Variants in TCF4 observed in about 807,000 individuals in gnomAD.
TCF4 encodes the protein SL3-3 enhancer factor 2.
A neutral mutation model predicts 82.1 loss-of-function variants in TCF4; 3 were observed. The observed-to-expected ratio is 0.04, with a 90% CI of 0.02 to 0.09. The LOEUF is 0.09. TCF4 is among the 10% of genes least tolerant of loss of function. The probability of loss-of-function intolerance (pLI) is 1.00; values close to 1 mark genes in which losing one functional copy is unlikely to be tolerated. For missense variants in TCF4, 518 were observed against 852.7 expected, an observed-to-expected ratio of 0.61 and a Z score of 4.89; for synonymous variants, 276 against 309.6, an observed-to-expected ratio of 0.89 and a Z score of 1.14.
intron 8 of TCF4, among the ~76,000 whole-genome samples, chr18:55,283,613 G>A (rs2063069872): frequency 6.6e-6 from 1 of 152,162 alleles, no homozygotes; most frequent in Admixed American, 6.5e-5. Flanking sequence ...ATCATAAGAA[G>A]GTCAAGTGTA....
intron 3 of TCF4, among the ~76,000 whole-genome samples, chr18:55,511,298 T>G (rs2096825224): frequency 1.5e-5 from 2 of 136,948 alleles, no homozygotes; most frequent in African/African-American, 5.6e-5. Flanking sequence ...GATTTGCAAC[T>G]TAGATGTAGG....
chr18:55,385,592 G>A lies in TCF4; in HGVS notation c.369+17862C>T, dbSNP rs187133133. On this transcript the variant is annotated intron_variant, in intron 6 of 19. Coordinates refer to ENST00000354452, the MANE Select transcript of TCF4 (RefSeq NM_001083962.2). ...AATTTTGTATTTTTAGTAGAGATGG[G>A]GTTTCACTATGCTGGCCAGGCCGGT... 2.6e-5 allele frequency among the ~76,000 whole-genome samples: 4 copies of A among 152,214 alleles called. No homozygotes were observed. The East Asian group carries it at 7.7e-4, about 29-fold the overall frequency.
At chr18:55,618,054 C>T (rs561123369) in intron 2 of TCF4, among the ~76,000 whole-genome samples, 17 of 152,182 alleles carry the variant, frequency 1.1e-4, no homozygotes, top group Middle Eastern at 3.4e-3. Flanking sequence ...TTCAGTTATT[C>T]GCCATTGAGT....
chr18:55,540,857 GCTGA>G (rs1186857501), intron 3 of TCF4, among the ~76,000 whole-genome samples: 1 of 151,850 alleles, frequency 6.6e-6, no homozygotes, highest in Non-Finnish European at 1.5e-5. Flanking sequence ...AAATTCAATC[GCTGA>G]CTATTACTTT....
intron 3 of TCF4, among the ~76,000 whole-genome samples, chr18:55,529,783 A>G (rs1325256107): frequency 6.6e-6 from 1 of 152,134 alleles, no homozygotes; most frequent in Non-Finnish European, 1.5e-5. Context: ...GGGAGAAAGG[A>G]GCCTGTCACT....
chr18:55,390,286 T>TAAAAAAAAAAAAAAA (rs56965997), intron 6 of TCF4, among the ~76,000 whole-genome samples: 2 of 82,230 alleles, frequency 2.4e-5, no homozygotes, highest in African/African-American at 5.1e-5. Context: ...CCCTGACTCT[T>TAAAAAAAAAAAAAAA]AAAAAAAAAA....
At chr18:55,608,643 T>C (rs1462461930) in intron 2 of TCF4, among the ~76,000 whole-genome samples, 1 of 152,144 alleles carries the variant, frequency 6.6e-6, no homozygotes, top group African/African-American at 2.4e-5. Context: ...CTATGGGCCG[T>C]GGGAATAATG....
intron 5 of TCF4, among the ~76,000 whole-genome samples, chr18:55,460,680 T>G (rs1568105987): frequency 6.6e-5 from 10 of 152,224 alleles, no homozygotes; most frequent in Admixed American, 6.5e-4. Flanking sequence ...ATTTTTATTC[T>G]AAATATTCAC....
At chr18:55,480,296 A>AAAAAAAGG (rs1568175293) in intron 3 of TCF4, among the ~76,000 whole-genome samples, 1 of 63,356 alleles carries the variant, frequency 1.6e-5, no homozygotes. Context: ...AAAAAAAAAA[A>AAAAAAAGG]GCGGGGGGGC....
At chr18:55,578,474 A>G (rs547847541) in intron 3 of TCF4, among the ~76,000 whole-genome samples, 6 of 152,114 alleles carry the variant, frequency 3.9e-5, no homozygotes, top group Non-Finnish European at 8.8e-5. Context: ...AAAGTCTCTT[A>G]TAAATGTAAA....
At chr18:55,580,379 C>A (rs1189054586) in intron 3 of TCF4, among the ~76,000 whole-genome samples, 1 of 151,888 alleles carries the variant, frequency 6.6e-6, no homozygotes, top group East Asian at 1.9e-4. Flanking sequence ...ATACATCAGG[C>A]TTGGTTACCT....
intron 2 of TCF4, among the ~76,000 whole-genome samples, chr18:55,606,171 C>T (rs555033966): frequency 2.6e-5 from 4 of 152,328 alleles, no homozygotes; most frequent in Admixed American, 2.6e-4. Flanking sequence ...CCCTCAAGCA[C>T]TTACTATTTG....
At chr18:55,613,799 G>A (rs2097709355) in intron 2 of TCF4, among the ~76,000 whole-genome samples, 1 of 152,126 alleles carries the variant, frequency 6.6e-6, no homozygotes, top group Non-Finnish European at 1.5e-5. Flanking sequence ...ACAACATTGG[G>A]AATTAAAATT....
chr18:55,589,224 A>C (rs536362204), upstream of TCF4: 629 of 1,025,292 alleles, frequency 6.1e-4, 2 homozygotes, highest in Non-Finnish European at 7.2e-4. Flanking sequence ...TTTTAATAAA[A>C]CATCGGGATC....
chr18:55,378,887 C>T (rs906729736), intron 6 of TCF4, among the ~76,000 whole-genome samples: 1 of 152,200 alleles, frequency 6.6e-6, no homozygotes, highest in African/African-American at 2.4e-5. Flanking sequence ...AAAGAGAAGA[C>T]GTAGGGAACT....
At chr18:55,454,308 C>T (rs1285617582) in intron 5 of TCF4, among the ~76,000 whole-genome samples, 2 of 152,134 alleles carry the variant, frequency 1.3e-5, no homozygotes, top group Admixed American at 6.5e-5. Context: ...TCCTATAGAA[C>T]AAAATGTGAA....
intron 8 of TCF4, among the ~76,000 whole-genome samples, chr18:55,348,586 C>T (rs1353639352): frequency 6.6e-6 from 1 of 152,090 alleles, no homozygotes; most frequent in Admixed American, 6.6e-5. Flanking sequence ...GCAAAGAAAA[C>T]ACTGTACCAG....
intron 17 of TCF4, chr18:55,231,056 GA>G: frequency 6.6e-6 from 1 of 152,418 alleles, no homozygotes; most frequent in Non-Finnish European, 1.5e-5. Flanking sequence ...GAGTCCACTG[GA>G]AAAGGCCCTC....
At chr18:55,288,116 TG>T (rs923232131) in intron 8 of TCF4, among the ~76,000 whole-genome samples, 2 of 152,132 alleles carry the variant, frequency 1.3e-5, no homozygotes, top group African/African-American at 4.8e-5. Context: ...GAGATGTGAG[TG>T]GACTCACTCT....
Sources: allele counts gnomAD v4.1 joint callset (sites outside exome capture counted in the v4.1 genomes callset), GRCh38; gene constraint gnomAD v4.1.1; transcripts MANE v1.5; gene names NCBI Gene and HGNC (gene_info 2026-07-23, HGNC 2026-07-21).